Variants in GRAMD4 observed in about 807,000 individuals in gnomAD.
GRAMD4 encodes GRAM domain containing 4, also known as GRAM domain-containing protein 4.
A neutral mutation model predicts 83.9 loss-of-function variants in GRAMD4; 25 were observed. That is an observed-to-expected ratio of 0.30 (90% CI 0.22 to 0.42). The LOEUF (loss-of-function observed/expected upper bound fraction) is 0.42. Ranked by LOEUF, GRAMD4 falls within the 10% of genes least tolerant of loss-of-function variation. GRAMD4 has a pLI of 1.00. For synonymous variants in GRAMD4, 336 were observed against 320.9 expected, an observed-to-expected ratio of 1.05 and a Z score of -0.50; for missense variants, 593 against 788.7, an observed-to-expected ratio of 0.75 and a Z score of 2.97.
rs1182936279 is a variant in GRAMD4 at position 46,635,515 on chromosome 22, GC to G, written c.163-2320del. Among the ~76,000 whole-genome samples, 85 of 43,276 alleles carry G rather than the reference GC, an allele frequency of 2.0e-3. 2 individuals carry two copies. Among genetic ancestry groups the G allele is most frequent in the African/African-American group, 3.1e-3 (26 of 8,310 alleles). 28.4% of individuals were successfully genotyped at this position (43,276 alleles called of 152,430 possible). The stretch of plus-strand genomic sequence containing the variant: ...TGTCCTGGGAGGCCCTATCCTCCCT[GC>G]CCCCGCCCCCGGCCACTCCTGTCCT... On this transcript the variant is annotated intron_variant, in intron 2 of 18. Transcript: ENST00000406902.
At chr22:46,668,202 C>A in intron 11 of GRAMD4, 35 bp downstream of exon 11, 1 of 1,490,248 alleles carries the variant, frequency 6.7e-7, no homozygotes, top group Non-Finnish European at 9.3e-7. Context: ...GGTGTGTCTG[C>A]GCCAGCCATG....
chr22:46,648,719 GATGGATGC>G (rs2082110315), intron 3 of GRAMD4, among the ~76,000 whole-genome samples: 5 of 147,132 alleles, frequency 3.4e-5, no homozygotes, highest in African/African-American at 7.8e-5. Flanking sequence ...TGGATGGATG[GATGGATGC>G]ATGGATGGAT....
intron 1 of GRAMD4, among the ~76,000 whole-genome samples, chr22:46,601,976 T>C (rs1441735283): frequency 6.6e-6 from 1 of 152,154 alleles, no homozygotes; most frequent in African/African-American, 2.4e-5. Flanking sequence ...TTGGGCATGC[T>C]TCTTTGTCTT....
intron 1 of GRAMD4, among the ~76,000 whole-genome samples, chr22:46,578,374 C>T (rs2081065544): frequency 6.6e-6 from 1 of 152,122 alleles, no homozygotes; most frequent in Non-Finnish European, 1.5e-5. Context: ...TGGGACTTGC[C>T]TCCCTCACCC....
chr22:46,577,873 C>A (rs1283444832), intron 1 of GRAMD4, among the ~76,000 whole-genome samples: 1 of 152,234 alleles, frequency 6.6e-6, no homozygotes, highest in African/African-American at 2.4e-5. Context: ...GTAGCCCAGG[C>A]CCGTGCGCCT....
chr22:46,660,399 G>T (rs1457634787), intron 4 of GRAMD4, among the ~76,000 whole-genome samples: 2 of 152,096 alleles, frequency 1.3e-5, no homozygotes, highest in Non-Finnish European at 2.9e-5. Flanking sequence ...TTTCCTTGTC[G>T]TCCTGGTGCA....
At chr22:46,648,072 A>T (rs1193362057) in intron 3 of GRAMD4, among the ~76,000 whole-genome samples, 2 of 152,152 alleles carry the variant, frequency 1.3e-5, no homozygotes, top group Non-Finnish European at 2.9e-5. Context: ...GTCTATATGG[A>T]TGGATGGATG....
chr22:46,626,793 G>A lies in GRAMD4; in HGVS notation c.-7G>A. On this transcript the variant is annotated 5_prime_UTR_variant, in exon 2 of 19. Coordinates refer to ENST00000406902, the MANE Select transcript of GRAMD4 (RefSeq NM_015124.5). ...TTAGGGTGAAGCAGAGGACCTCAGT[G>A]CTGAACATGCTAAGGAGGTTGGACA... 6.2e-7 allele frequency: 1 copy of A among 1,613,748 alleles called. No individual in the cohort carries two copies. Among genetic ancestry groups the A allele is most frequent in the Non-Finnish European group, 8.5e-7 (1 of 1,179,684 alleles).
At chr22:46,618,789 C>T (rs756752340), upstream of GRAMD4, among the ~76,000 whole-genome samples, 8 of 152,128 alleles carry the variant, frequency 5.3e-5, no homozygotes, top group Admixed American at 3.3e-4. The surrounding 1 kb of genome is among the most constrained non-coding windows in gnomAD (Gnocchi z 5.8). Context: ...TGGAGGCGTG[C>T]GGCCGGCGTG....
At chr22:46,667,968 T>C (rs2147376328) in intron 10 of GRAMD4, 128 bp from the exon 11 acceptor site, 1 of 666,452 alleles carries the variant, frequency 1.5e-6, no homozygotes. Context: ...CCAAGGGATG[T>C]CCCATCCCCC....
rs189736212 is a variant in GRAMD4, at chr22:46,635,557, C to G, written c.163-2283C>G. On this transcript the variant is annotated intron_variant, in intron 2 of 18. Coordinates refer to ENST00000406902, the MANE Select transcript of GRAMD4 (RefSeq NM_015124.5). ...CTCCTGTCCTGGGAGGCCGTGTCCT[C>G]CCTGCCCCCGCCCCCGGCCACTCCT... Among the ~76,000 whole-genome samples the G allele has an allele frequency of 1.0e-3, 82 of 81,936 alleles. 1 individual carries two copies. Among genetic ancestry groups the G allele is most frequent in the Middle Eastern group, 7.2e-3 (1 of 138 alleles). 53.8% of individuals were successfully genotyped at this position (81,936 alleles called of 152,430 possible).
rs2081560877 is a variant in GRAMD4, at chr22:46,620,659, TG to T, written c.-50+96del. ...GAAAAGCTGCTACTCTCTGGGGCAGTGGTCCCAGCTACCACGTGCTCTTCTG... is the reference window on the plus strand; with the variant it reads ...GAAAAGCTGCTACTCTCTGGGGCAGTGTCCCAGCTACCACGTGCTCTTCTG... On this transcript the variant is annotated intron_variant, in intron 1 of 18. Transcript: ENST00000406902. This position sits in a 1 kb window ranked among gnomAD's most constrained non-coding sequence, Gnocchi z 4.7. 3.1e-6 allele frequency: 1 copy of T among 324,580 alleles called. No individual in the cohort carries two copies. The highest frequency in any genetic ancestry group is 2.2e-5 in the African/African-American group (1 of 45,012). 20.1% of individuals were successfully genotyped at this position (324,580 alleles called of 1,614,324 possible).
chr22:46,603,706 C>T (rs1161148662), intron 1 of GRAMD4, among the ~76,000 whole-genome samples: 8 of 150,934 alleles, frequency 5.3e-5, no homozygotes, highest in Admixed American at 6.6e-5. Context: ...TTAGTAGAGA[C>T]GGGGTTTCAA....
intron 1 of GRAMD4, among the ~76,000 whole-genome samples, chr22:46,584,578 G>A (rs575250523): frequency 6.3e-4 from 96 of 152,272 alleles, no homozygotes; most frequent in African/African-American, 2.2e-3. Context: ...GTGTGTCTGC[G>A]TAGTGGGACT....
intron 3 of GRAMD4, among the ~76,000 whole-genome samples, chr22:46,644,697 GTTTTTTTTTTTTTTTTTTTTTTTT>G (rs71192437): frequency 1.1e-3 from 104 of 97,374 alleles, no homozygotes; most frequent in African/African-American, 4.0e-3. Context: ...CTTGTTCCCT[GTTTTTTTTTTTTTTTTTTTTTTTT>G]TTTTTTTTTT....
chr22:46,664,098 C>T lies in GRAMD4; in HGVS notation c.698C>T (p.Thr233Met). ...SALSDWYSVY[T>M]SAIAFTVYMN... The stretch of plus-strand genomic sequence containing the variant: ...TTATCCGACTGGTACTCCGTCTACA[C>T]GTCTGCCATTGCCTTCACCGTGAGT... The change falls in exon 8 of 19, where the codon ACG becomes ATG. Residue 233 changes from threonine to methionine, a missense_variant. This residue lies in a region of GRAMD4 where 312 missense variants were observed against 350.7 expected (regional missense o/e 0.89). Coordinates refer to ENST00000406902, the MANE Select transcript of GRAMD4 (RefSeq NM_015124.5). 3 of 1,612,602 alleles carry T rather than the reference C, an allele frequency of 1.9e-6. No individual in the cohort carries two copies. The highest frequency in any genetic ancestry group is 2.5e-6 in the Non-Finnish European group (3 of 1,179,134).
chr22:46,636,198 T>C (rs1175966524), intron 2 of GRAMD4, among the ~76,000 whole-genome samples: 2 of 152,214 alleles, frequency 1.3e-5, no homozygotes, highest in African/African-American at 4.8e-5. Context: ...GAGACTCTTT[T>C]GGAGCTTCTG....
intron 3 of GRAMD4, among the ~76,000 whole-genome samples, chr22:46,650,872 C>T (rs371910719): frequency 1.3e-5 from 2 of 152,206 alleles, no homozygotes; most frequent in East Asian, 1.9e-4. Context: ...CTAAACCTTG[C>T]GCTAGAGCTT....
chr22:46,609,744 G>T (rs1357893768), intron 1 of GRAMD4, among the ~76,000 whole-genome samples: 2 of 152,006 alleles, frequency 1.3e-5, no homozygotes, highest in African/African-American at 4.8e-5. Context: ...AGGGTCTGCA[G>T]AGCATCCCAC....
Sources: allele counts gnomAD v4.1 joint callset (sites outside exome capture counted in the v4.1 genomes callset), GRCh38; gene constraint gnomAD v4.1.1; regional missense constraint gnomAD v4.1.1; non-coding constraint Gnocchi (gnomAD v3.1); transcripts MANE v1.5; gene names NCBI Gene and HGNC (gene_info 2026-07-23, HGNC 2026-07-21).